The following ATP6V1C2 variants were observed in gnomAD, a reference collection of about 807,000 sequenced individuals.
ATP6V1C2 encodes ATPase H+ transporting V1 subunit C2.
Under a neutral mutation model 56.8 loss-of-function variants are expected in ATP6V1C2, and 45 were observed. That is an observed-to-expected ratio of 0.79 (90% CI 0.62 to 1.02). The LOEUF (loss-of-function observed/expected upper bound fraction) is 1.02. Among genes scored for constraint, ATP6V1C2 ranks in the 50% least tolerant of loss-of-function variants. The probability of loss-of-function intolerance (pLI) is 0.00; values close to 1 mark genes in which losing one functional copy is unlikely to be tolerated. For missense variants in ATP6V1C2, 463 were observed against 519.7 expected, an observed-to-expected ratio of 0.89 and a Z score of 1.06; for synonymous variants, 220 against 201.3, an observed-to-expected ratio of 1.09 and a Z score of -0.79.
chr2:10,767,574 C>T (rs1664306565), intron 5 of ATP6V1C2, among the ~76,000 whole-genome samples: 1 of 152,190 alleles, frequency 6.6e-6, no homozygotes, highest in African/African-American at 2.4e-5. Flanking sequence ...TCTCCTGCCT[C>T]AGCCTCCTGA....
At chr2:10,725,899 G>A (rs1661613141) in intron 2 of ATP6V1C2, among the ~76,000 whole-genome samples, 1 of 151,704 alleles carries the variant, frequency 6.6e-6, no homozygotes. Flanking sequence ...GACCAACATG[G>A]AGAAACCCTG....
intron 4 of ATP6V1C2, among the ~76,000 whole-genome samples, chr2:10,761,349 TTGCCTG>T (rs1418988433): frequency 6.6e-6 from 1 of 152,060 alleles, no homozygotes; most frequent in Non-Finnish European, 1.5e-5. Context: ...GGAGGTGAGC[TTGCCTG>T]TGCCTGTGCA....
Position 10,784,325 on chromosome 2 carries a change from A to G in ATP6V1C2, c.*1062A>G. 1 of 1,612,390 alleles carries G rather than the reference A, an allele frequency of 6.2e-7. No individual in the cohort carries two copies. The highest frequency in any genetic ancestry group is 8.5e-7 in the Non-Finnish European group (1 of 1,179,446). On this transcript the variant is annotated 3_prime_UTR_variant, in exon 14 of 14. Coordinates refer to ENST00000272238, the MANE Select transcript of ATP6V1C2 (RefSeq NM_001039362.2). ...GAGGTCAATGTCATCCTCCACGGGA[A>G]GCTGGGAGACGACAGAAAGCCACTG... is the stretch of plus-strand genomic sequence containing the variant.
chr2:10,754,088 T>C, intron 4 of ATP6V1C2, 22 bp downstream of exon 4: 1 of 1,576,722 alleles, frequency 6.3e-7, no homozygotes, highest in Non-Finnish European at 8.6e-7. Context: ...GGCCCTCTGA[T>C]GTGGAGCACA....
intron 11 of ATP6V1C2, among the ~76,000 whole-genome samples, chr2:10,778,242 T>G (rs1043781523): frequency 3.3e-5 from 5 of 152,130 alleles, no homozygotes; most frequent in East Asian, 3.9e-4. Context: ...TCTGAGAAGG[T>G]GGGCTCCCTG....
chr2:10,743,962 C>T lies in ATP6V1C2; in HGVS notation c.198-10019C>T, dbSNP rs1242858902. Among the ~76,000 whole-genome samples the T allele has an allele frequency of 2.8e-5, 4 of 144,330 alleles. 1 individual carries two copies. Among genetic ancestry groups the T allele is most frequent in the African/African-American group, 1.0e-4 (4 of 38,232 alleles). The allele number at this position is 144,330 out of a possible 152,430, so 94.7% of individuals were successfully genotyped here. A position where few individuals can be genotyped will look rare whatever the true frequency, so the allele number is the denominator to read the frequency against. On this transcript the variant is annotated intron_variant, in intron 3 of 13. Transcript: ENST00000272238. ...TTGTACCACTGCACCCTAGCCTGGG[C>T]AACAGCGAGATTCAGTCTCAAAAAA...
At chr2:10,755,194 G>A (rs1191289284) in intron 4 of ATP6V1C2, among the ~76,000 whole-genome samples, 2 of 152,118 alleles carry the variant, frequency 1.3e-5, no homozygotes, top group African/African-American at 4.8e-5. Context: ...ATGCCGCCAT[G>A]TCCAGCTAGT....
chr2:10,771,576 C>T (rs890784812), intron 6 of ATP6V1C2, among the ~76,000 whole-genome samples: 5 of 152,158 alleles, frequency 3.3e-5, no homozygotes, highest in African/African-American at 7.2e-5. Flanking sequence ...CCTTGGGTGA[C>T]GGGTGATAGC....
chr2:10,772,034 T>C, intron 7 of ATP6V1C2, 97 bp downstream of exon 7: 1 of 996,976 alleles, frequency 1.0e-6, no homozygotes, highest in Admixed American at 1.7e-5. Flanking sequence ...GGATGCTCCC[T>C]GCCCAGCCCC....
At position 10,775,045 on chromosome 2, in the gene ATP6V1C2, T is replaced by C. The variant is rs936451016; in HGVS notation, c.799T>C (p.Leu267=). Residue 267 remains leucine (L), a synonymous_variant, in exon 10 of 14, where the codon TTG becomes CTG. Transcript: ENST00000272238. ...AAGGGAAAGGGAGGAGATGGCCAGATTGCTGTCTGATAAGAAGCAACAGTA... is the reference window on the plus strand; with the variant it reads ...AAGGGAAAGGGAGGAGATGGCCAGACTGCTGTCTGATAAGAAGCAACAGTA... ...IEREREEMAR[L]LSDKKQQYQT... 2.5e-6 allele frequency: 4 copies of C among 1,613,872 alleles called. No individual in the cohort carries two copies. Among genetic ancestry groups the C allele is most frequent in the East Asian group, 4.5e-5 (2 of 44,882 alleles).
intron 8 of ATP6V1C2, 113 bp from the exon 9 acceptor site, chr2:10,774,675 C>T (rs2148506050): frequency 1.2e-6 from 1 of 868,478 alleles, no homozygotes; most frequent in East Asian, 2.4e-5. Context: ...TTCCCCAGCC[C>T]TCAGCTGCTG....
intron 7 of ATP6V1C2, 74 bp from the exon 8 acceptor site, chr2:10,772,468 C>A: frequency 7.8e-7 from 1 of 1,286,600 alleles, no homozygotes; most frequent in Non-Finnish European, 1.1e-6. Flanking sequence ...AAGGGGTGTG[C>A]AGCTTCCTAG....
At chr2:10,773,981 A>G (rs2046793) in intron 8 of ATP6V1C2, among the ~76,000 whole-genome samples, 21,869 of 152,282 alleles carry the variant, frequency 0.14, 1,896 homozygotes, top group Non-Finnish European at 0.2. Flanking sequence ...CCTTGAAGCC[A>G]GTGTGCTGGC....
At position 10,784,960 on chromosome 2, in the gene ATP6V1C2, C is replaced by T; in HGVS notation, c.*1697C>T. 2 of 1,591,164 alleles carry T rather than the reference C, an allele frequency of 1.3e-6. No individual in the cohort carries two copies. The highest frequency in any genetic ancestry group is 2.3e-5 in the South Asian group (2 of 87,526). On this transcript the variant is annotated 3_prime_UTR_variant, in exon 14 of 14. Coordinates refer to ENST00000272238, the MANE Select transcript of ATP6V1C2 (RefSeq NM_001039362.2). Reference sequence around the variant, plus strand: ...TCGCCATCCCTGCCGTCCCAAGGCTCTCTCTCAACGATGGTAGGGAAAGCC... The same window carrying T: ...TCGCCATCCCTGCCGTCCCAAGGCTTTCTCTCAACGATGGTAGGGAAAGCC...
intron 1 of ATP6V1C2, among the ~76,000 whole-genome samples, chr2:10,722,342 T>C (rs1661414058): frequency 6.6e-6 from 1 of 152,156 alleles, no homozygotes; most frequent in Non-Finnish European, 1.5e-5. Context: ...GAAGTCTATT[T>C]TTAAAGCTAA....
chr2:10,725,525 C>T (rs1661593763), intron 2 of ATP6V1C2, among the ~76,000 whole-genome samples: 1 of 127,648 alleles, frequency 7.8e-6, no homozygotes, highest in Admixed American at 9.1e-5. Flanking sequence ...GATGCAGTCT[C>T]GCTCTGCTGA....
chr2:10,741,491 T>C (rs4669617), intron 3 of ATP6V1C2, among the ~76,000 whole-genome samples: 149,856 of 152,210 alleles, frequency 0.98, 73,813 homozygotes, highest in Non-Finnish European at 1. Flanking sequence ...GGGGCCCCTC[T>C]TGTGTGGCTG....
rs1002313111 is a variant in ATP6V1C2 at position 10,740,100 on chromosome 2, AAAAG to A, written c.197+13535_197+13538del. 2.7e-4 allele frequency among the ~76,000 whole-genome samples: 41 copies of A among 151,850 alleles called. No homozygotes were observed. The East Asian group carries it at 2.7e-3, about 10-fold the overall frequency. On this transcript the variant is annotated intron_variant, in intron 3 of 13. Coordinates refer to ENST00000272238, the MANE Select transcript of ATP6V1C2 (RefSeq NM_001039362.2). ...GAGACTCCATCTCAAAAAAAAAAAA[AAAAG>A]AAAAGAAAGTTGCATGCCCAGAAGT...
At chr2:10,758,608 C>A (rs1288838581) in intron 4 of ATP6V1C2, among the ~76,000 whole-genome samples, 2 of 151,912 alleles carry the variant, frequency 1.3e-5, no homozygotes, top group East Asian at 1.9e-4. Flanking sequence ...TAAAACAAAA[C>A]AAAACAAAAC....
Sources: gnomAD v4.1 joint callset for allele counts (sites outside exome capture counted in the v4.1 genomes callset) on GRCh38, gnomAD v4.1.1 for gene constraint, MANE v1.5 for transcripts, NCBI Gene and HGNC (gene_info 2026-07-23, HGNC 2026-07-21) for gene names.